The following PIK3C2G variants were observed in gnomAD, a reference collection of about 807,000 sequenced individuals.
PIK3C2G encodes the protein phosphatidylinositol 3-kinase C2 domain-containing subunit gamma.
PIK3C2G carries 168 observed loss-of-function variants against 181.1 expected under a neutral mutation model. The ratio of observed to expected loss-of-function variants is 0.93; its 90% CI spans 0.82 to 1.05. The LOEUF is 1.05. Among genes scored for constraint, PIK3C2G ranks in the 50% least tolerant of loss-of-function variants. PIK3C2G has a pLI of 0.00. For missense variants in PIK3C2G, 1,869 were observed against 1,732.8 expected (o/e 1.08, Z -1.40); for synonymous variants, 573 against 592.2 (o/e 0.97, Z 0.47).
At chr12:18,588,667 T>G (rs1291060942) in intron 29 of PIK3C2G, among the ~76,000 whole-genome samples, 2 of 152,060 alleles carry the variant, frequency 1.3e-5, no homozygotes, top group Non-Finnish European at 2.9e-5. Context: ...TCCAGCCCAT[T>G]GTGGAAAGCA....
At chr12:18,268,649 G>T (rs375749972) in intron 1 of PIK3C2G, among the ~76,000 whole-genome samples, 1 of 152,084 alleles carries the variant, frequency 6.6e-6, no homozygotes, top group Admixed American at 6.6e-5. Flanking sequence ...ACATAATTCA[G>T]ATACTTGTTT....
At chr12:18,635,465 A>G (rs1180119075) in intron 31 of PIK3C2G, among the ~76,000 whole-genome samples, 13 of 152,156 alleles carry the variant, frequency 8.5e-5, no homozygotes, top group Admixed American at 8.5e-4. Context: ...CGTGATGGGC[A>G]ACTCGGGGCA....
At chr12:18,474,798 A>T (rs544434585) in intron 18 of PIK3C2G, among the ~76,000 whole-genome samples, 1 of 152,280 alleles carries the variant, frequency 6.6e-6, no homozygotes, top group Admixed American at 6.5e-5. Flanking sequence ...TAATTCAAAT[A>T]AATGATTTTT....
At chr12:18,520,119 G>T (rs1942819593) in intron 24 of PIK3C2G, among the ~76,000 whole-genome samples, 1 of 151,856 alleles carries the variant, frequency 6.6e-6, no homozygotes, top group Middle Eastern at 3.4e-3. Context: ...TTTGTAGGTG[G>T]CCTGGCATTT....
the PIK3C2G span, among the ~76,000 whole-genome samples, chr12:18,670,865 A>G: frequency 2.4e-4 from 37 of 152,142 alleles, no homozygotes; most frequent in Admixed American, 3.9e-4. Context: ...GAAGCTTTCA[A>G]TTGGAAAAAT....
chr12:18,650,598 A>G (rs1418789761), downstream of PIK3C2G, among the ~76,000 whole-genome samples: 1 of 147,938 alleles, frequency 6.8e-6, no homozygotes, highest in Non-Finnish European at 1.5e-5. Flanking sequence ...AGTGCTTGAT[A>G]TGAGAGCTGA....
At chr12:18,572,981 T>C (rs1415001453) in intron 29 of PIK3C2G, among the ~76,000 whole-genome samples, 1 of 152,212 alleles carries the variant, frequency 6.6e-6, no homozygotes, top group African/African-American at 2.4e-5. Flanking sequence ...TTTTTTATTA[T>C]ATCTGCAAAT....
chr12:18,262,333 C>A (rs1233809922), intron 1 of PIK3C2G, among the ~76,000 whole-genome samples: 1 of 152,004 alleles, frequency 6.6e-6, no homozygotes, highest in Admixed American at 6.6e-5. Flanking sequence ...ACATAGTGAT[C>A]TCCTTTTTAA....
chr12:18,640,983 T>C (rs1182955045), intron 32 of PIK3C2G, among the ~76,000 whole-genome samples: 3 of 152,190 alleles, frequency 2.0e-5, no homozygotes, highest in South Asian at 4.1e-4. Context: ...TGGAAGTTAA[T>C]GTATATTATA....
At chr12:18,636,030 T>G (rs943972692) in intron 31 of PIK3C2G, among the ~76,000 whole-genome samples, 3 of 152,178 alleles carry the variant, frequency 2.0e-5, no homozygotes, top group African/African-American at 7.2e-5. Flanking sequence ...TTTTCCACCC[T>G]CTGACATGCA....
intron 2 of PIK3C2G, among the ~76,000 whole-genome samples, chr12:18,284,628 T>C (rs968596743): frequency 1.3e-5 from 2 of 152,064 alleles, no homozygotes; most frequent in African/African-American, 4.8e-5. Context: ...TTAAAGAAGT[T>C]CATAATGGCT....
the PIK3C2G span, among the ~76,000 whole-genome samples, chr12:18,705,830 C>T: frequency 1.3e-5 from 2 of 152,038 alleles, no homozygotes; most frequent in Non-Finnish European, 2.9e-5. Flanking sequence ...TGCGCCATTG[C>T]ATTCCAGCCT....
chr12:18,496,908 G>T (rs1941059726), intron 21 of PIK3C2G, among the ~76,000 whole-genome samples: 1 of 152,058 alleles, frequency 6.6e-6, no homozygotes, highest in Non-Finnish European at 1.5e-5. Flanking sequence ...GGGGAAAAAA[G>T]AAAACACAAA....
intron 1 of PIK3C2G, among the ~76,000 whole-genome samples, chr12:18,268,109 G>T (rs1948586202): frequency 6.6e-6 from 1 of 151,940 alleles, no homozygotes; most frequent in Non-Finnish European, 1.5e-5. Flanking sequence ...TTTCAGGCTG[G>T]GATATTTATT....
At chr12:18,588,773 T>C (rs958768711) in intron 29 of PIK3C2G, among the ~76,000 whole-genome samples, 33 of 151,936 alleles carry the variant, frequency 2.2e-4, no homozygotes, top group African/African-American at 6.8e-4. Context: ...AATCATCCTA[T>C]CATAAAGACA....
At chr12:18,321,207 C>T (rs895986143) in intron 7 of PIK3C2G, among the ~76,000 whole-genome samples, 175 bp downstream of exon 7, 6 of 152,176 alleles carry the variant, frequency 3.9e-5, no homozygotes, top group East Asian at 1.9e-4. Flanking sequence ...GTTATTCAGA[C>T]ATATTTGAAG....
At chr12:18,497,842 A>G (rs1234613105) in intron 22 of PIK3C2G, 94 bp downstream of exon 22, 1 of 935,154 alleles carries the variant, frequency 1.1e-6, no homozygotes, top group African/African-American at 1.7e-5. Context: ...TTTCGTTTTA[A>G]ACTACAAGTT....
chr12:18,657,086 G>A, the PIK3C2G span, among the ~76,000 whole-genome samples: 1 of 152,114 alleles, frequency 6.6e-6, no homozygotes, highest in Non-Finnish European at 1.5e-5. Flanking sequence ...AGCCCAAAGG[G>A]TTTGTCTTTA....
At chr12:18,584,406 T>C (rs566587500) in intron 29 of PIK3C2G, among the ~76,000 whole-genome samples, 5 of 152,190 alleles carry the variant, frequency 3.3e-5, no homozygotes, top group African/African-American at 4.8e-5. Flanking sequence ...ATTACAAATA[T>C]TAACAGCAGA....
Sources: allele counts gnomAD v4.1 joint callset (sites outside exome capture counted in the v4.1 genomes callset), GRCh38; gene constraint gnomAD v4.1.1; transcripts MANE v1.5; gene names NCBI Gene and HGNC (gene_info 2026-07-23, HGNC 2026-07-21).